The following FGD1 variants were observed in gnomAD, a reference collection of about 807,000 sequenced individuals.
FGD1 encodes the protein FYVE, RhoGEF and PH domain-containing protein 1.
FGD1 carries 12 observed loss-of-function variants against 65.0 expected under a neutral mutation model. The observed-to-expected ratio is 0.18, with a 90% CI of 0.12 to 0.30. FGD1 has a LOEUF of 0.30. FGD1 is among the 10% of genes least tolerant of loss of function. FGD1 has a pLI of 1.00. For synonymous variants in FGD1, 333 were observed against 343.9 expected, an observed-to-expected ratio of 0.97 and a Z score of 0.35; for missense variants, 542 against 837.6, an observed-to-expected ratio of 0.65 and a Z score of 4.36.
chrX:54,473,012 T>C (rs916352391), intron 1 of FGD1, among the ~76,000 whole-genome samples: 10 of 111,325 alleles, frequency 9.0e-5, no homozygotes, highest in Non-Finnish European at 1.5e-4. Context: ...ATTTACACCA[T>C]TTCACCCAAC....
At chrX:54,457,948 A>G (rs1922542812) in intron 8 of FGD1, among the ~76,000 whole-genome samples, 1 of 112,192 alleles carries the variant, frequency 8.9e-6, no homozygotes, top group Non-Finnish European at 1.9e-5. Context: ...CACTCAGATC[A>G]GCCTGTGCTA....
chrX:54,448,186 A>ATT (rs746743930), intron 16 of FGD1, among the ~76,000 whole-genome samples: 6 of 102,753 alleles, frequency 5.8e-5, no homozygotes, highest in Non-Finnish European at 6.0e-5. Flanking sequence ...CAATTTTTAA[A>ATT]TTTTTTTTTT....
rs897627729 is a variant in FGD1 at position 54,496,172 on chromosome X, G to C, written c.-740C>G. On this transcript the variant is annotated 5_prime_UTR_variant, in exon 1 of 18. Coordinates refer to ENST00000375135, the MANE Select transcript of FGD1 (RefSeq NM_004463.3). ...GCGGGCGGGAAGGAGCCCTGGGAAGGGGGGTGGGGAGGCGGGAGCCTCGCA... is the reference window on the plus strand; with the variant it reads ...GCGGGCGGGAAGGAGCCCTGGGAAGCGGGGTGGGGAGGCGGGAGCCTCGCA... 3 of 111,205 alleles carry C rather than the reference G, an allele frequency of 2.7e-5. No individual in the cohort carries two copies. The highest frequency in any genetic ancestry group is 7.6e-4 in the South Asian group (2 of 2,634). The allele number at this position is 111,205 out of a possible 1,213,427, so 9.2% of individuals were successfully genotyped here. A position where few individuals can be genotyped will look rare whatever the true frequency, so the allele number is the denominator to read the frequency against.
At chrX:54,486,715 A>G (rs1433335044) in intron 1 of FGD1, among the ~76,000 whole-genome samples, 2 of 101,766 alleles carry the variant, frequency 2.0e-5, no homozygotes, top group South Asian at 6.1e-4. Flanking sequence ...TTGGCCTGGC[A>G]TGGTGGCTCA....
chrX:54,478,218 A>G (rs1038242955), intron 1 of FGD1, among the ~76,000 whole-genome samples: 2 of 111,767 alleles, frequency 1.8e-5, no homozygotes, highest in Admixed American at 1.9e-4. Flanking sequence ...AAGCTTCCAA[A>G]TGAATGTGGC....
At chrX:54,454,497 AAAATT>A (rs1042176921) in intron 12 of FGD1, among the ~76,000 whole-genome samples, 3 of 110,514 alleles carry the variant, frequency 2.7e-5, no homozygotes, top group East Asian at 5.7e-4. Context: ...TAAAAATACA[AAAATT>A]AGATGGGCGT....
chrX:54,477,345 G>T (rs751703262), intron 1 of FGD1, among the ~76,000 whole-genome samples: 1 of 112,250 alleles, frequency 8.9e-6, no homozygotes, highest in South Asian at 3.7e-4. Flanking sequence ...ACTCAGGAAA[G>T]GCAACGAGGG....
chrX:54,491,339 C>T (rs1246589250), intron 1 of FGD1, among the ~76,000 whole-genome samples: 10 of 112,209 alleles, frequency 8.9e-5, no homozygotes, highest in Admixed American at 8.5e-4. Context: ...ATTTGAACTG[C>T]CAAATGGTAG....
intron 1 of FGD1, among the ~76,000 whole-genome samples, chrX:54,481,571 T>A (rs186303449): frequency 9.6e-6 from 1 of 104,542 alleles, no homozygotes; most frequent in Admixed American, 1.1e-4. Flanking sequence ...TGGGACCAGA[T>A]CCCAGGTGTG....
chrX:54,490,331 A>G (rs1030726897), intron 1 of FGD1, among the ~76,000 whole-genome samples: 1 of 111,616 alleles, frequency 9.0e-6, no homozygotes, highest in Non-Finnish European at 1.9e-5. Context: ...CCCTGAACCT[A>G]AAATAAAAGT....
At chrX:54,452,318 C>A (rs2147425206) in intron 12 of FGD1, among the ~76,000 whole-genome samples, 1 of 104,232 alleles carries the variant, frequency 9.6e-6, no homozygotes, top group East Asian at 3.0e-4. Flanking sequence ...AGTTTTTTGG[C>A]TATTCATGCT....
rs755786649 is a variant in FGD1, at chrX:54,487,099, G to A, written c.307+8027C>T. On this transcript the variant is annotated intron_variant, in intron 1 of 17. Coordinates refer to ENST00000375135, the MANE Select transcript of FGD1 (RefSeq NM_004463.3). The stretch of plus-strand genomic sequence containing the variant: ...TGGCTCACTGCAACCTCTGCCTCCC[G>A]GGGTCAAGTGATTCTCGTGCCTCAG... Among the ~76,000 whole-genome samples, 122 of 109,163 alleles carry A rather than the reference G, an allele frequency of 1.1e-3. 1 individual carries two copies. The highest frequency in any genetic ancestry group is 3.7e-3 in the African/African-American group (112 of 30,197). 94.8% of individuals were successfully genotyped at this position (109,163 alleles called of 115,157 possible). A position where few individuals can be genotyped will look rare whatever the true frequency, so the allele number is the denominator to read the frequency against.
intron 1 of FGD1, among the ~76,000 whole-genome samples, chrX:54,477,535 T>C (rs1474030710): frequency 9.1e-6 from 1 of 109,540 alleles, no homozygotes; most frequent in Non-Finnish European, 1.9e-5. Context: ...GTTCAAGCAA[T>C]TCTCCTGCCT....
intron 8 of FGD1, 71 bp from the exon 9 acceptor site, chrX:54,456,638 G>GTTTTT: frequency 1.4e-6 from 1 of 735,710 alleles, no homozygotes; most frequent in Middle Eastern, 4.6e-4. Context: ...TTTGTTTTTT[G>GTTTTT]TTTTTTTTTT....
intron 6 of FGD1, among the ~76,000 whole-genome samples, chrX:54,466,390 G>A (rs1922759299): frequency 1.8e-5 from 2 of 111,788 alleles, no homozygotes; most frequent in African/African-American, 6.5e-5. Context: ...CTGGTGAGGG[G>A]GACACACTTG....
intron 1 of FGD1, among the ~76,000 whole-genome samples, chrX:54,472,278 A>C (rs1303010167): frequency 2.0e-5 from 2 of 102,154 alleles, no homozygotes; most frequent in Non-Finnish European, 3.9e-5. Context: ...ACGCTGTCTC[A>C]AGAAAAAAAA....
At chrX:54,463,611 A>C (rs954508999) in intron 8 of FGD1, among the ~76,000 whole-genome samples, 2 of 111,475 alleles carry the variant, frequency 1.8e-5, no homozygotes, top group Non-Finnish European at 3.8e-5. Context: ...CTTGGCCTTC[A>C]GTCTTTGCTC....
chrX:54,470,789 G>A, intron 2 of FGD1, 29 bp from the exon 3 acceptor site: 1 of 842,473 alleles, frequency 1.2e-6, no homozygotes, highest in Non-Finnish European at 1.7e-6. Context: ...AAGAGAGAAG[G>A]GAGACATCAG....
intron 8 of FGD1, among the ~76,000 whole-genome samples, chrX:54,461,600 CAAAAAAAAAAAAAAAA>C (rs1165040158): frequency 5.5e-5 from 1 of 18,052 alleles, no homozygotes; most frequent in South Asian, 5.1e-3. Flanking sequence ...GACTCTGTCT[CAAAAAAAAAAAAAAAA>C]AAAAAAAAAA....
Sources: gnomAD v4.1 joint callset for allele counts (sites outside exome capture counted in the v4.1 genomes callset) on GRCh38, gnomAD v4.1.1 for gene constraint, MANE v1.5 for transcripts, NCBI Gene and HGNC (gene_info 2026-07-23, HGNC 2026-07-21) for gene names.